SH2D4A: variants seen among roughly 807,000 people sequenced by gnomAD.
SH2D4A encodes SH2 domain containing 4A.
SH2D4A carries 70 observed loss-of-function variants against 64.7 expected under a neutral mutation model. That is an observed-to-expected ratio of 1.08 (90% CI 0.89 to 1.32). SH2D4A has a LOEUF of 1.32. SH2D4A is among the 40% of genes most tolerant of loss of function. The probability of loss-of-function intolerance (pLI) is 0.00; values close to 1 mark genes in which losing one functional copy is unlikely to be tolerated. For missense variants in SH2D4A, 706 were observed against 540.1 expected (o/e 1.31, Z -3.04); for synonymous variants, 268 against 200.7 (o/e 1.34, Z -2.83).
intron 4 of SH2D4A, among the ~76,000 whole-genome samples, chr8:19,351,426 AC>A: frequency 6.6e-6 from 1 of 152,120 alleles, no homozygotes; most frequent in Admixed American, 6.5e-5. Context: ...ACACGGTGAA[AC>A]CCCGTCTCTA....
intron 8 of SH2D4A, 35 bp from the exon 9 acceptor site, chr8:19,393,283 G>C (rs764319718): frequency 1.3e-6 from 2 of 1,595,482 alleles, no homozygotes; most frequent in Middle Eastern, 1.7e-4. Context: ...GGAATGATTT[G>C]GCTGAAATAC....
chr8:19,335,244 C>T (rs1286761176), intron 4 of SH2D4A, among the ~76,000 whole-genome samples: 1 of 151,816 alleles, frequency 6.6e-6, no homozygotes, highest in African/African-American at 2.4e-5. Flanking sequence ...GCCGAGATTG[C>T]GACACTGCAC....
intron 7 of SH2D4A, among the ~76,000 whole-genome samples, chr8:19,369,125 G>A (rs1473996090): frequency 6.6e-6 from 1 of 152,052 alleles, no homozygotes; most frequent in Middle Eastern, 3.2e-3. Flanking sequence ...AATGTGATGT[G>A]TCATGTTCAT....
Position 19,316,000 on chromosome 8 carries a change from C to T in SH2D4A, c.-205+2177C>T, listed in dbSNP as rs987354966. Among the ~76,000 whole-genome samples, 4 of 152,074 alleles carry T rather than the reference C, an allele frequency of 2.6e-5. 1 individual carries two copies. The South Asian group carries it at 6.2e-4, about 24-fold the overall frequency. On this transcript the variant is annotated intron_variant, in intron 1 of 9. Transcript: ENST00000265807. ...ACAGAGTCACACCGCTCACTAGAGG[C>T]GGAGCTGGGAGTTGAGGCTGGAGTG...
At chr8:19,390,679 C>T (rs2053477855) in intron 8 of SH2D4A, among the ~76,000 whole-genome samples, 1 of 152,214 alleles carries the variant, frequency 6.6e-6, no homozygotes, top group Non-Finnish European at 1.5e-5. Flanking sequence ...CTCCAGGGCA[C>T]TGCCCTTTGG....
intron 8 of SH2D4A, among the ~76,000 whole-genome samples, chr8:19,378,826 C>T (rs970546776): frequency 6.7e-6 from 1 of 148,714 alleles, no homozygotes; most frequent in Non-Finnish European, 1.5e-5. Flanking sequence ...AAGGCGGATC[C>T]TTTGAGCCCA....
At chr8:19,346,156 G>T (rs766784014) in intron 4 of SH2D4A, among the ~76,000 whole-genome samples, 1 of 152,218 alleles carries the variant, frequency 6.6e-6, no homozygotes, top group Admixed American at 6.5e-5. Context: ...TCTAGTTAGG[G>T]AATGGAAGTT....
chr8:19,379,039 G>A (rs1407099126), intron 8 of SH2D4A, among the ~76,000 whole-genome samples: 4 of 146,288 alleles, frequency 2.7e-5, no homozygotes, highest in East Asian at 4.0e-4. Context: ...CCAAGATCAC[G>A]CCATGCACTC....
rs200776195 is a variant in SH2D4A, at chr8:19,361,324, C to A, written c.706+10C>A. The A allele has an allele frequency of 1.1e-5, 17 of 1,599,430 alleles. 1 individual carries two copies. The highest frequency in any genetic ancestry group is 2.3e-5 in the South Asian group (2 of 87,310). On this transcript the variant is annotated intron_variant, in intron 6 of 9. Transcript: ENST00000265807. Reference sequence around the variant, plus strand: ...GAATGGCAGGCATCTCGTGAGTACCCAGAGGTCTCCATAGCACCTTCCAGG... The same window carrying A: ...GAATGGCAGGCATCTCGTGAGTACCAAGAGGTCTCCATAGCACCTTCCAGG...
Position 19,332,957 on chromosome 8 carries a change from A to C in SH2D4A, c.184A>C (p.Asn62His). 1 of 1,609,144 alleles carries C rather than the reference A, an allele frequency of 6.2e-7. No homozygotes were observed. Among genetic ancestry groups the C allele is most frequent in the East Asian group, 2.2e-5 (1 of 44,854 alleles). Residue 62 changes from asparagine (N) to histidine (H), a missense_variant and splice_region_variant, in exon 3 of 10, where the codon AAT becomes CAT. Coordinates refer to ENST00000265807, the MANE Select transcript of SH2D4A (RefSeq NM_022071.4). ...LPVKPRPKKE[N>H]GKSVHWKLGA... ...TTTGTTTGTGTGTTTGTTTGCAGAG[A>C]ATGGCAAATCGGTTCATTGGAAACT...
At chr8:19,378,339 C>A (rs1347688516) in intron 8 of SH2D4A, among the ~76,000 whole-genome samples, 1 of 152,140 alleles carries the variant, frequency 6.6e-6, no homozygotes, top group Non-Finnish European at 1.5e-5. Context: ...GCACAATCCA[C>A]CCATATTTTA....
At chr8:19,385,232 C>T (rs541288351) in intron 8 of SH2D4A, among the ~76,000 whole-genome samples, 16 of 144,730 alleles carry the variant, frequency 1.1e-4, no homozygotes, top group African/African-American at 4.1e-4. Context: ...TTTTTTGAGA[C>T]AGAGTCTTGC....
chr8:19,326,448 G>A (rs560115788), intron 2 of SH2D4A, among the ~76,000 whole-genome samples: 1 of 152,272 alleles, frequency 6.6e-6, no homozygotes, highest in Admixed American at 6.5e-5. Context: ...GGTGTTGGTG[G>A]GCACCTTGCT....
chr8:19,374,477 T>G (rs1183833956), intron 8 of SH2D4A, among the ~76,000 whole-genome samples: 3 of 152,210 alleles, frequency 2.0e-5, no homozygotes, highest in South Asian at 4.1e-4. Flanking sequence ...AAGCATGTCT[T>G]GGTTTGCATT....
intron 9 of SH2D4A, among the ~76,000 whole-genome samples, chr8:19,394,260 C>G (rs1160242719): frequency 6.6e-6 from 1 of 152,174 alleles, no homozygotes; most frequent in Non-Finnish European, 1.5e-5. Flanking sequence ...CTGCTCACCT[C>G]CTGCTATACA....
At chr8:19,332,691 CAAAA>C (rs58695585) in intron 2 of SH2D4A, among the ~76,000 whole-genome samples, 4,966 of 81,564 alleles carry the variant, frequency 0.061, 250 homozygotes, top group African/African-American at 0.16. Context: ...GTGAGACTGT[CAAAA>C]AAAAAAAAAA....
At chr8:19,349,651 G>T (rs2052666110) in intron 4 of SH2D4A, among the ~76,000 whole-genome samples, 1 of 152,182 alleles carries the variant, frequency 6.6e-6, no homozygotes, top group Non-Finnish European at 1.5e-5. Context: ...GGACATTAAA[G>T]TAGCTACATG....
rs1466227833 is a variant in SH2D4A at position 19,391,933 on chromosome 8, A to AGCTTTGCTGAAAT, written c.1049-1383_1049-1371dup. 8.5e-5 allele frequency among the ~76,000 whole-genome samples: 13 copies of AGCTTTGCTGAAAT among 152,322 alleles called. No homozygotes were observed. The East Asian group carries it at 9.7e-4, about 11-fold the overall frequency. On this transcript the variant is annotated intron_variant, in intron 8 of 9. Transcript: ENST00000265807. ...CAGGGAGCCAACAAGAGAAGGCAAG[A>AGCTTTGCTGAAAT]GCTTTGCTGAAATGAAAAAGGGCAC...
At chr8:19,342,416 A>G (rs570361299) in intron 4 of SH2D4A, among the ~76,000 whole-genome samples, 5 of 152,386 alleles carry the variant, frequency 3.3e-5, no homozygotes, top group Admixed American at 3.3e-4. Context: ...TCAAGGGAAG[A>G]AAGCTACACA....
Sources: allele counts gnomAD v4.1 joint callset (sites outside exome capture counted in the v4.1 genomes callset), GRCh38; gene constraint gnomAD v4.1.1; transcripts MANE v1.5; gene names NCBI Gene and HGNC (gene_info 2026-07-23, HGNC 2026-07-21).